Variants in RNF180 observed in about 807,000 individuals in gnomAD.
The protein encoded by RNF180 is E3 ubiquitin-protein ligase RNF180.
In RNF180, 38 loss-of-function variants were observed where a neutral mutation model predicts 59.2. The ratio of observed to expected loss-of-function variants is 0.64; its 90% CI spans 0.50 to 0.84. RNF180 has a LOEUF of 0.84. Among genes scored for constraint, RNF180 ranks in the 40% least tolerant of loss-of-function variants. RNF180 has a pLI of 0.00. For synonymous variants in RNF180, 262 were observed against 240.3 expected (o/e 1.09, Z -0.84); for missense variants, 705 against 700.9 (o/e 1.01, Z -0.07).
At chr5:64,218,238 G>C (rs1011084696) in intron 5 of RNF180, among the ~76,000 whole-genome samples, 1 of 152,072 alleles carries the variant, frequency 6.6e-6, no homozygotes, top group African/African-American at 2.4e-5. Context: ...TCTTCAAAAA[G>C]TTTTATAGTT....
intron 5 of RNF180, among the ~76,000 whole-genome samples, chr5:64,248,609 G>A (rs1324840445): frequency 2.6e-5 from 4 of 152,184 alleles, no homozygotes; most frequent in African/African-American, 7.2e-5. Context: ...GGAATCAACA[G>A]ATTCTGGAGA....
At chr5:64,170,095 T>TATA (rs1385296026) in intron 1 of RNF180, among the ~76,000 whole-genome samples, 1 of 152,212 alleles carries the variant, frequency 6.6e-6, no homozygotes, top group African/African-American at 2.4e-5. Context: ...GTTGCCTGTG[T>TATA]ATAAGGTTGG....
At chr5:64,338,037 G>A (rs1023699337) in intron 7 of RNF180, among the ~76,000 whole-genome samples, 6 of 152,086 alleles carry the variant, frequency 3.9e-5, no homozygotes, top group African/African-American at 1.4e-4. Context: ...GGGATGGCTG[G>A]GTCAAATGGT....
At chr5:64,287,715 T>C (rs1375101495) in intron 5 of RNF180, among the ~76,000 whole-genome samples, 1 of 152,238 alleles carries the variant, frequency 6.6e-6, no homozygotes, top group African/African-American at 2.4e-5. Context: ...GCCACGTGAA[T>C]GTCTTCTTTT....
At chr5:64,349,586 C>T (rs191166002) in intron 7 of RNF180, among the ~76,000 whole-genome samples, 1 of 151,124 alleles carries the variant, frequency 6.6e-6, no homozygotes, top group Admixed American at 6.6e-5. Flanking sequence ...TCCCCCCTTG[C>T]CCCCCACCAC....
chr5:64,263,264 G>A (rs1467063801), intron 5 of RNF180, among the ~76,000 whole-genome samples: 2 of 152,154 alleles, frequency 1.3e-5, no homozygotes, highest in African/African-American at 2.4e-5. Context: ...AATTAAAACA[G>A]CAGTGTGCTG....
At chr5:64,349,895 CAT>C (rs111944441) in intron 7 of RNF180, among the ~76,000 whole-genome samples, 141 of 152,274 alleles carry the variant, frequency 9.3e-4, no homozygotes, top group Middle Eastern at 3.4e-3. Context: ...TTGCAATAAA[CAT>C]ATGTGTGTAT....
chr5:64,264,348 A>C (rs1318307736), intron 5 of RNF180, among the ~76,000 whole-genome samples: 2 of 152,060 alleles, frequency 1.3e-5, no homozygotes, highest in African/African-American at 4.8e-5. Context: ...CCCCACATGC[A>C]TTAGGTATTT....
chr5:64,198,077 A>C lies in RNF180; in HGVS notation c.1-2731A>C, dbSNP rs530755272. Among the ~76,000 whole-genome samples, 4 of 152,328 alleles carry C rather than the reference A, an allele frequency of 2.6e-5. No individual in the cohort carries two copies. In the South Asian group the frequency reaches 8.3e-4, roughly 32 times the overall value. ...AAATACAACACAAGCCTTACCTATA[A>C]AGCCACATAAACAAGTTCAAAGAAA... is the stretch of plus-strand genomic sequence containing the variant. On this transcript the variant is annotated intron_variant, in intron 1 of 7. Transcript: ENST00000389100.
At chr5:64,174,346 T>C (rs1226005854) in intron 1 of RNF180, among the ~76,000 whole-genome samples, 2 of 152,214 alleles carry the variant, frequency 1.3e-5, no homozygotes, top group African/African-American at 4.8e-5. Flanking sequence ...CTGGATCATG[T>C]TGAAGTTCAC....
At chr5:64,338,543 G>C (rs966153022) in intron 7 of RNF180, among the ~76,000 whole-genome samples, 2 of 151,770 alleles carry the variant, frequency 1.3e-5, no homozygotes, top group Admixed American at 1.3e-4. Flanking sequence ...TCTGAGGCAG[G>C]AGAATGGCGT....
chr5:64,367,298 G>C (rs1054255954), intron 7 of RNF180, among the ~76,000 whole-genome samples: 4 of 151,226 alleles, frequency 2.6e-5, no homozygotes, highest in African/African-American at 9.7e-5. Flanking sequence ...AAACATACAA[G>C]AGAAAAAATA....
chr5:64,298,709 CA>C (rs764875004), intron 5 of RNF180, among the ~76,000 whole-genome samples: 178 of 152,002 alleles, frequency 1.2e-3, no homozygotes, highest in Non-Finnish European at 1.5e-3. Context: ...CAAAACAAAA[CA>C]AAAATGGTTC....
chr5:64,248,801 C>A (rs1306903629), intron 5 of RNF180, among the ~76,000 whole-genome samples: 1 of 152,122 alleles, frequency 6.6e-6, no homozygotes, highest in African/African-American at 2.4e-5. Context: ...GACACATGCA[C>A]ACATATGTTT....
At chr5:64,321,978 C>T (rs1744376714) in intron 5 of RNF180, among the ~76,000 whole-genome samples, 1 of 152,162 alleles carries the variant, frequency 6.6e-6, no homozygotes, top group African/African-American at 2.4e-5. Context: ...AAACTGGACT[C>T]CTTCCTTACA....
intron 5 of RNF180, among the ~76,000 whole-genome samples, chr5:64,231,092 G>A (rs951696350): frequency 2.0e-5 from 3 of 152,176 alleles, no homozygotes; most frequent in Admixed American, 2.0e-4. Context: ...AGAGAAAGCT[G>A]CATGAAAGCA....
chr5:64,226,987 G>C (rs759027221), intron 5 of RNF180, among the ~76,000 whole-genome samples: 22 of 152,184 alleles, frequency 1.4e-4, no homozygotes, highest in Non-Finnish European at 3.2e-4. Flanking sequence ...AAACCCGGCT[G>C]ACTCCCTGGT....
At chr5:64,361,233 A>G (rs959028933) in intron 7 of RNF180, among the ~76,000 whole-genome samples, 1 of 151,618 alleles carries the variant, frequency 6.6e-6, no homozygotes, top group African/African-American at 2.4e-5. Flanking sequence ...AAAATGCCAT[A>G]TAAAATAGTA....
chr5:64,214,017 T>G lies in RNF180; in HGVS notation c.691T>G (p.Leu231Val). The G allele has an allele frequency of 6.2e-7, 1 of 1,614,144 alleles. No homozygotes were observed. The highest frequency in any genetic ancestry group is 8.5e-7 in the Non-Finnish European group (1 of 1,180,020). ...TRAFHRKSHS[L>V]DLNISEKLTL... Reference sequence around the variant, plus strand: ...AGCTTTTCATAGAAAATCACATAGTTTGGATCTGAACATCAGTGAGAAACT... The same window carrying G: ...AGCTTTTCATAGAAAATCACATAGTGTGGATCTGAACATCAGTGAGAAACT... The change falls in exon 4 of 8, where the codon TTG becomes GTG. Residue 231 changes from leucine to valine, a missense_variant. Transcript: ENST00000389100.
Sources: gnomAD v4.1 joint callset for allele counts (sites outside exome capture counted in the v4.1 genomes callset) on GRCh38, gnomAD v4.1.1 for gene constraint, MANE v1.5 for transcripts, NCBI Gene and HGNC (gene_info 2026-07-23, HGNC 2026-07-21) for gene names.